Variants in RABEP2 observed in about 807,000 individuals in gnomAD.
The protein encoded by RABEP2 is rabaptin, RAB GTPase binding effector protein 2, also known as rab GTPase-binding effector protein 2.
A neutral mutation model predicts 74.1 loss-of-function variants in RABEP2; 57 were observed. That is an observed-to-expected ratio of 0.77 (90% CI 0.62 to 0.96). The LOEUF (loss-of-function observed/expected upper bound fraction) is 0.96, where lower values mean the gene tolerates loss of function less well. RABEP2 is among the 40% of genes least tolerant of loss of function. The pLI is 0.00. For synonymous variants in RABEP2, 351 were observed against 344.0 expected (o/e 1.02, Z -0.23); for missense variants, 692 against 756.3 (o/e 0.91, Z 1.00).
In RABEP2 at chr16:28,905,037, A is replaced by G; in HGVS notation, c.1616T>C (p.Leu539Pro). The G allele has an allele frequency of 6.2e-7, 1 of 1,604,322 alleles. No homozygotes were observed. ...VRLSQALQVR[L>P]ERIRQAETLE... ...GGTCTCAGCCTGGCGGATCCGCTCTAGGCGCACCTGCCGGATCGGACGAGG... is the reference window on the plus strand; with the variant it reads ...GGTCTCAGCCTGGCGGATCCGCTCTGGGCGCACCTGCCGGATCGGACGAGG... The change falls in exon 13 of 13, where the codon CTA becomes CCA. Residue 539 changes from leucine (L) to proline (P), a missense_variant. Physicochemically the swap from Leu to Pro is moderately conservative, Grantham distance 98. Coordinates refer to ENST00000358201, the MANE Select transcript of RABEP2 (RefSeq NM_024816.3).
At chr16:28,911,911 T>C (rs1029286438) in intron 5 of RABEP2, among the ~76,000 whole-genome samples, 1 of 151,596 alleles carries the variant, frequency 6.6e-6, no homozygotes, top group African/African-American at 2.4e-5. Context: ...ATCAGGCCAC[T>C]GCACTCCAGC....
rs1262882990 is a variant in RABEP2 at position 28,925,220 on chromosome 16, C to T, written c.-57G>A. The T allele has an allele frequency of 1.3e-5, 19 of 1,496,758 alleles. No individual in the cohort carries two copies. Among genetic ancestry groups the T allele is most frequent in the Non-Finnish European group, 1.7e-5 (19 of 1,128,888 alleles). The allele number at this position is 1,496,758 out of a possible 1,614,324, so 92.7% of individuals were successfully genotyped here. A position where few individuals can be genotyped will look rare whatever the true frequency, so the allele number is the denominator to read the frequency against. ...CCCTGGTGACGGAGCGCACCGCTTC[C>T]GGGTCCTCTCGGCTGTTTCCGGATC... On this transcript the variant is annotated 5_prime_UTR_variant, in exon 1 of 13. Transcript: ENST00000358201.
At chr16:28,905,570 G>A in intron 11 of RABEP2, 57 bp from the exon 12 acceptor site, 1 of 1,581,392 alleles carries the variant, frequency 6.3e-7, no homozygotes. Context: ...CCAGATGGGA[G>A]GGTGCATGGC....
In RABEP2 at chr16:28,904,680, C is replaced by A; in HGVS notation, c.*263G>T. 1 of 655,364 alleles carries A rather than the reference C, an allele frequency of 1.5e-6. No homozygotes were observed. Among genetic ancestry groups the A allele is most frequent in the Non-Finnish European group, 2.5e-6 (1 of 406,694 alleles). The allele number at this position is 655,364 out of a possible 1,614,324, so 40.6% of individuals were successfully genotyped here. On this transcript the variant is annotated 3_prime_UTR_variant, in exon 13 of 13. Transcript: ENST00000358201. ...GGAGCCCAGGAGGCAGCACAGCAGC[C>A]AGAAAGCCGCAGGCCTGAGCCTGCA...
In RABEP2 at chr16:28,904,960, C is replaced by A. The variant is rs376299848; in HGVS notation, c.1693G>T (p.Asp565Tyr). Residue 565 changes from aspartate to tyrosine, a missense_variant, in exon 13 of 13, where the codon GAC becomes TAC. By Grantham distance (160) the Asp-to-Tyr change is radical. Transcript: ENST00000358201. Reference sequence around the variant, plus strand: ...CTGACCCCTCAGGTGTCCTTGATGTCCCTGACGTCCGTGAGTGGCGCCTCA... The same window carrying A: ...CTGACCCCTCAGGTGTCCTTGATGTACCTGACGTCCGTGAGTGGCGCCTCA... Reference protein sequence around the residue: ...MDEAPLTDVRDIKDT With the variant: ...MDEAPLTDVRYIKDT 1.6e-4 allele frequency: 260 copies of A among 1,612,532 alleles called. No homozygotes were observed. The highest frequency in any genetic ancestry group is 2.2e-4 in the Non-Finnish European group (256 of 1,179,500).
rs533288485 is a variant in RABEP2, at chr16:28,912,414, T to C, written c.895-1235A>G. 4.1e-5 allele frequency among the ~76,000 whole-genome samples: 6 copies of C among 147,284 alleles called. No homozygotes were observed. The South Asian group carries it at 8.9e-4, about 22-fold the overall frequency. On this transcript the variant is annotated intron_variant, in intron 5 of 12. Coordinates refer to ENST00000358201, the MANE Select transcript of RABEP2 (RefSeq NM_024816.3). ...GTAAGCTTTCTTTCTTTCTTTTTTT[T>C]TTTTTTTTTTTTGAGATGGGGTCTC... is the stretch of plus-strand genomic sequence containing the variant.
chr16:28,914,111 G>C (rs1964350997), intron 5 of RABEP2, 125 bp downstream of exon 5: 13 of 769,338 alleles, frequency 1.7e-5, no homozygotes, highest in Admixed American at 3.0e-5. Flanking sequence ...TTCACCAGGA[G>C]GGGGGCCTCT....
intron 5 of RABEP2, among the ~76,000 whole-genome samples, chr16:28,913,076 C>G (rs1964336008): frequency 6.6e-6 from 1 of 152,114 alleles, no homozygotes; most frequent in Admixed American, 6.6e-5. Flanking sequence ...GATTCTCCTG[C>G]CTCAGCCTCC....
At chr16:28,921,942 G>A (rs979736858) in intron 2 of RABEP2, among the ~76,000 whole-genome samples, 1 of 151,964 alleles carries the variant, frequency 6.6e-6, no homozygotes, top group Non-Finnish European at 1.5e-5. Context: ...TTCAGCCTGG[G>A]TGACTGAGCG....
chr16:28,905,143 C>A, intron 12 of RABEP2, 99 bp from the exon 13 acceptor site: 1 of 962,588 alleles, frequency 1.0e-6, no homozygotes, highest in Admixed American at 2.4e-5. Flanking sequence ...ACCAGTGGAC[C>A]CAGGGGCCAC....
In RABEP2 at chr16:28,924,616, C is replaced by G. The variant is rs750350998; in HGVS notation, c.62-1G>C. The G allele has an allele frequency of 3.7e-6, 6 of 1,608,226 alleles. No individual in the cohort carries two copies. Among genetic ancestry groups the G allele is most frequent in the Non-Finnish European group, 5.1e-6 (6 of 1,179,670 alleles). ...TCCTGGGACCGGGAGTCCTCCAGTG[C>G]TGTGGGGGACAGGGATCAGCCTCTC... On this transcript the variant is annotated splice_acceptor_variant, in intron 1 of 12. Coordinates refer to ENST00000358201, the MANE Select transcript of RABEP2 (RefSeq NM_024816.3). LOFTEE classifies it high-confidence loss of function.
At position 28,914,561 on chromosome 16, in the gene RABEP2, A is replaced by G; in HGVS notation, c.569T>C (p.Leu190Pro). 1 of 1,610,458 alleles carries G rather than the reference A, an allele frequency of 6.2e-7. No homozygotes were observed. The highest frequency in any genetic ancestry group is 8.5e-7 in the Non-Finnish European group (1 of 1,177,930). ...GGGCAGCAACTCCGTGGAGCCGTGCAGGGAAGGGGCATGCCGGGGACGTCT... is the reference window on the plus strand; with the variant it reads ...GGGCAGCAACTCCGTGGAGCCGTGCGGGGAAGGGGCATGCCGGGGACGTCT... ...IQRRPRHAPS[L>P]HGSTELLPLS... The change falls in exon 5 of 13, where the codon CTG becomes CCG. Residue 190 changes from leucine (L) to proline (P), a missense_variant. Coordinates refer to ENST00000358201, the MANE Select transcript of RABEP2 (RefSeq NM_024816.3).
chr16:28,905,523 C>A lies in RABEP2; in HGVS notation c.1492-10G>T, dbSNP rs1964213131. The stretch of plus-strand genomic sequence containing the variant: ...GGTCTGGGAGCTGGGCCTGCGGGGA[C>A]AGACACCACACTGAGCTGGGCCTGG... On this transcript the variant is annotated splice_polypyrimidine_tract_variant and intron_variant, in intron 11 of 12. Coordinates refer to ENST00000358201, the MANE Select transcript of RABEP2 (RefSeq NM_024816.3). 1 of 1,608,290 alleles carries A rather than the reference C, an allele frequency of 6.2e-7. No individual in the cohort carries two copies. The highest frequency in any genetic ancestry group is 1.7e-5 in the Admixed American group (1 of 59,722).
At chr16:28,923,559 T>C (rs920298475) in intron 2 of RABEP2, among the ~76,000 whole-genome samples, 11 of 152,352 alleles carry the variant, frequency 7.2e-5, no homozygotes, top group African/African-American at 2.4e-4. Context: ...AGAACAAATA[T>C]TAAGTAAACA....
intron 5 of RABEP2, among the ~76,000 whole-genome samples, chr16:28,913,867 A>G (rs532777884): frequency 6.9e-6 from 1 of 145,634 alleles, no homozygotes; most frequent in African/African-American, 2.6e-5. Flanking sequence ...TGCAACCTCA[A>G]TCTCCTGGGC....
chr16:28,905,940 C>A (rs1000025229), intron 9 of RABEP2, 62 bp from the exon 10 acceptor site: 4 of 1,612,728 alleles, frequency 2.5e-6, no homozygotes, highest in Admixed American at 1.7e-5. Flanking sequence ...CTGCTGCCCA[C>A]GCCTGGGCCC....
Position 28,924,533 on chromosome 16 carries a change from T to G in RABEP2, c.144A>C (p.Ala48=). ...GELSRLRAEL[A]GALAEMETMK... ...TGGTTTCCATTTCTGCCAGGGCGCCTGCCAGCTCAGCCCGAAGCCGGCTGA... is the reference window on the plus strand; with the variant it reads ...TGGTTTCCATTTCTGCCAGGGCGCCGGCCAGCTCAGCCCGAAGCCGGCTGA... The change falls in exon 2 of 13, where the codon GCA becomes GCC. Residue 48 remains alanine (A), a synonymous_variant. Transcript: ENST00000358201. 6.2e-7 allele frequency: 1 copy of G among 1,614,018 alleles called. No homozygotes were observed. The highest frequency in any genetic ancestry group is 8.5e-7 in the Non-Finnish European group (1 of 1,180,012).
chr16:28,904,424 G>A lies in RABEP2; in HGVS notation c.*519C>T, dbSNP rs569159998. On this transcript the variant is annotated 3_prime_UTR_variant, in exon 13 of 13. Coordinates refer to ENST00000358201, the MANE Select transcript of RABEP2 (RefSeq NM_024816.3). ...TTGCAGGGACAAGGCGACCGACTGC[G>A]CTGAGCTGCTTATTTATTGAAAATA... is the stretch of plus-strand genomic sequence containing the variant. 4.0e-5 allele frequency: 62 copies of A among 1,532,806 alleles called. 1 individual carries two copies. The highest frequency in any genetic ancestry group is 9.8e-5 in the East Asian group (4 of 40,862). 95.0% of individuals were successfully genotyped at this position (1,532,806 alleles called of 1,614,324 possible).
rs756746019 is a variant in RABEP2, at chr16:28,919,863, CCTT to C, written c.352_354del (p.Lys118del). 1 of 1,612,402 alleles carries C rather than the reference CCTT, an allele frequency of 6.2e-7. No individual in the cohort carries two copies. The highest frequency in any genetic ancestry group is 1.7e-5 in the Admixed American group (1 of 59,988). On this transcript the variant is annotated inframe_deletion, in exon 3 of 13. Coordinates refer to ENST00000358201, the MANE Select transcript of RABEP2 (RefSeq NM_024816.3). ...TGCTTCAGGCGGCCCAGCTCCCGCT[CCTT>C]CTCCTCACAGTCCTGCTGCTGCTGC...
Sources: allele counts gnomAD v4.1 joint callset (sites outside exome capture counted in the v4.1 genomes callset), GRCh38; gene constraint gnomAD v4.1.1; transcripts MANE v1.5; gene names NCBI Gene and HGNC (gene_info 2026-07-23, HGNC 2026-07-21).